PTPRM: variants seen among roughly 807,000 people sequenced by gnomAD.
The protein encoded by PTPRM is protein tyrosine phosphatase receptor type M.
A neutral mutation model predicts 186.7 loss-of-function variants in PTPRM; 47 were observed. The observed-to-expected ratio is 0.25, with a 90% CI of 0.20 to 0.32. PTPRM has a LOEUF of 0.32. Among genes scored for constraint, PTPRM ranks in the 10% least tolerant of loss-of-function variants. The pLI is 1.00. For missense variants in PTPRM, 1,494 were observed against 1,865.0 expected (o/e 0.80, Z 3.66); for synonymous variants, 668 against 674.9 (o/e 0.99, Z 0.16).
At chr18:7,926,767 C>T in intron 5 of PTPRM, 84 bp downstream of exon 5, 11 of 923,606 alleles carry the variant, frequency 1.2e-5, no homozygotes, top group Non-Finnish European at 1.8e-5. Flanking sequence ...GAGAAACAGA[C>T]TCAGGTCCTA....
At chr18:7,582,794 G>A (rs1201295270) in intron 1 of PTPRM, among the ~76,000 whole-genome samples, 1 of 152,218 alleles carries the variant, frequency 6.6e-6, no homozygotes, top group Non-Finnish European at 1.5e-5. Context: ...TCTGCAAATA[G>A]GGTCAATCGG....
intron 13 of PTPRM, chr18:8,122,215 T>A (rs1197568674): frequency 6.6e-6 from 1 of 152,598 alleles, no homozygotes; most frequent in Non-Finnish European, 1.5e-5. Context: ...TCATGCATGC[T>A]GACCTGGAAA....
At position 7,568,503 on chromosome 18, in the gene PTPRM, C is replaced by T. The variant is rs1447934318; in HGVS notation, c.73+612C>T. On this transcript the variant is annotated intron_variant, in intron 1 of 32. Transcript: ENST00000580170. The surrounding 1 kb of genome is among the most constrained non-coding windows in gnomAD (Gnocchi z 5.1). Reference sequence around the variant, plus strand: ...GGAGAGGCTGGGGGGAGTTCCTCGCCGGTCCCAGCGGTAGGGCTTGGCGGC... The same window carrying T: ...GGAGAGGCTGGGGGGAGTTCCTCGCTGGTCCCAGCGGTAGGGCTTGGCGGC... Among the ~76,000 whole-genome samples the T allele has an allele frequency of 6.6e-6, 1 of 152,074 alleles. No homozygotes were observed. The highest frequency in any genetic ancestry group is 1.5e-5 in the Non-Finnish European group (1 of 67,966).
intron 11 of PTPRM, among the ~76,000 whole-genome samples, chr18:8,100,287 G>A (rs188472805): frequency 2.4e-4 from 37 of 152,144 alleles, no homozygotes; most frequent in African/African-American, 8.2e-4. Flanking sequence ...GATTATAGGC[G>A]CCTACCACCA....
rs73939357 is a variant in PTPRM at position 7,739,392 on chromosome 18, C to A, written c.74-34757C>A. ...CTCAAATTTGCTTTCTGTCTAACAT[C>A]ATTTCCATAATAAACAGCAAGTAGT... On this transcript the variant is annotated intron_variant, in intron 1 of 32. Transcript: ENST00000580170. Among the ~76,000 whole-genome samples the A allele has an allele frequency of 9.2e-5, 14 of 152,260 alleles. No homozygotes were observed. The East Asian group carries it at 2.5e-3, about 27-fold the overall frequency.
In PTPRM at chr18:8,406,446, A is replaced by T. The variant is rs2095906731; in HGVS notation, c.*284A>T. 1 of 377,880 alleles carries T rather than the reference A, an allele frequency of 2.6e-6. No individual in the cohort carries two copies. 23.4% of individuals were successfully genotyped at this position (377,880 alleles called of 1,614,324 possible). A position where few individuals can be genotyped will look rare whatever the true frequency, so the allele number is the denominator to read the frequency against. On this transcript the variant is annotated 3_prime_UTR_variant, in exon 33 of 33. Coordinates refer to ENST00000580170, the MANE Select transcript of PTPRM (RefSeq NM_001105244.2). ...AGACAGCTGGTAAACTGAAGAGCAC[A>T]ACTATATTCTTATGAAGGAATTTGT... is the stretch of plus-strand genomic sequence containing the variant.
intron 2 of PTPRM, among the ~76,000 whole-genome samples, chr18:7,856,000 G>A (rs995912188): frequency 2.0e-5 from 3 of 152,164 alleles, no homozygotes; most frequent in Non-Finnish European, 2.9e-5. Flanking sequence ...AAATGGGTAT[G>A]ATAACACTTG....
At chr18:7,708,306 ACTC>A (rs1272907155) in intron 1 of PTPRM, among the ~76,000 whole-genome samples, 7 of 151,976 alleles carry the variant, frequency 4.6e-5, no homozygotes, top group South Asian at 2.1e-4. Context: ...CAGCTAGTAA[ACTC>A]CTAGCAAAAA....
intron 7 of PTPRM, among the ~76,000 whole-genome samples, chr18:8,053,524 T>C (rs1209371009): frequency 6.6e-6 from 1 of 152,172 alleles, no homozygotes; most frequent in Non-Finnish European, 1.5e-5. Flanking sequence ...TCCATGTCTG[T>C]TCTTTCAGCA....
chr18:7,586,264 A>G (rs1222769359), intron 1 of PTPRM, among the ~76,000 whole-genome samples: 2 of 152,024 alleles, frequency 1.3e-5, no homozygotes, highest in African/African-American at 2.4e-5. Flanking sequence ...ATCTTTTTGT[A>G]TGCTTCTCTG....
intron 7 of PTPRM, among the ~76,000 whole-genome samples, chr18:7,988,698 G>GAC (rs1167732568): frequency 1.3e-5 from 2 of 152,066 alleles, no homozygotes; most frequent in Admixed American, 1.3e-4. Context: ...CAACAAGCAT[G>GAC]ATATTTTCAA....
At chr18:8,183,435 AG>A in intron 14 of PTPRM, among the ~76,000 whole-genome samples, 1 of 152,214 alleles carries the variant, frequency 6.6e-6, no homozygotes, top group Non-Finnish European at 1.5e-5. Context: ...GATGACATAA[AG>A]GAAGAGAAGC....
At chr18:7,917,745 T>C (rs897071054) in intron 4 of PTPRM, among the ~76,000 whole-genome samples, 2 of 151,086 alleles carry the variant, frequency 1.3e-5, no homozygotes, top group African/African-American at 4.9e-5. Flanking sequence ...CAAACTGTGG[T>C]CACCCTGTTG....
chr18:8,169,077 G>T (rs984042178), intron 14 of PTPRM, among the ~76,000 whole-genome samples: 1 of 152,150 alleles, frequency 6.6e-6, no homozygotes, highest in Non-Finnish European at 1.5e-5. Context: ...CTAGGAGATA[G>T]TTTCCTTAGA....
At chr18:8,306,461 A>C (rs941535495) in intron 20 of PTPRM, among the ~76,000 whole-genome samples, 15 of 152,234 alleles carry the variant, frequency 9.9e-5, no homozygotes, top group Non-Finnish European at 2.1e-4. Context: ...GGAATAATCA[A>C]GGAAAAGCAC....
At chr18:8,368,237 A>G (rs1568842955) in intron 23 of PTPRM, among the ~76,000 whole-genome samples, 1 of 151,504 alleles carries the variant, frequency 6.6e-6, no homozygotes, top group African/African-American at 2.4e-5. Context: ...TCGTGAAAGT[A>G]TGGTGCTGGA....
intron 2 of PTPRM, among the ~76,000 whole-genome samples, chr18:7,840,232 G>A (rs1469355813): frequency 1.3e-5 from 2 of 152,086 alleles, no homozygotes; most frequent in Non-Finnish European, 2.9e-5. Flanking sequence ...GTAAGAAGGT[G>A]CTTTTTTAGT....
Position 8,072,600 on chromosome 18 carries a change from A to T in PTPRM, c.1441+2606A>T, listed in dbSNP as rs144501384. Among the ~76,000 whole-genome samples the T allele has an allele frequency of 2.3e-3, 352 of 152,278 alleles. 4 individuals carry two copies. The highest frequency in any genetic ancestry group is 7.7e-3 in the African/African-American group (320 of 41,576). On this transcript the variant is annotated intron_variant, in intron 8 of 32. Coordinates refer to ENST00000580170, the MANE Select transcript of PTPRM (RefSeq NM_001105244.2). ...ACAGTATCCAGTTTGAAGAGAAAAG[A>T]ATTGGGGAGTCACTTTGTTTATCCA...
intron 9 of PTPRM, among the ~76,000 whole-genome samples, chr18:8,080,165 CTT>C (rs35257915): frequency 1.5e-4 from 23 of 151,730 alleles, no homozygotes; most frequent in Non-Finnish European, 2.2e-4. Flanking sequence ...ATTTTGCAGT[CTT>C]TTTTTTTGTA....
Sources: allele counts gnomAD v4.1 joint callset (sites outside exome capture counted in the v4.1 genomes callset), GRCh38; gene constraint gnomAD v4.1.1; non-coding constraint Gnocchi (gnomAD v3.1); transcripts MANE v1.5; gene names NCBI Gene and HGNC (gene_info 2026-07-23, HGNC 2026-07-21).